KCNQ3: variants seen among roughly 807,000 people sequenced by gnomAD.
The protein encoded by KCNQ3 is potassium voltage-gated channel subfamily KQT member 3.
KCNQ3 carries 30 observed loss-of-function variants against 92.5 expected under a neutral mutation model. That is an observed-to-expected ratio of 0.32 (90% confidence interval 0.24 to 0.44). The LOEUF (loss-of-function observed/expected upper bound fraction) is 0.44, where lower values mean the gene tolerates loss of function less well. Ranked by LOEUF, KCNQ3 falls within the 20% of genes least tolerant of loss-of-function variation. The pLI, the probability that KCNQ3 is intolerant of heterozygous loss-of-function variation, is 1.00. For missense variants in KCNQ3, 913 were observed against 1,140.3 expected, an observed-to-expected ratio of 0.80 and a Z score of 2.87; for synonymous variants, 450 against 468.8, an observed-to-expected ratio of 0.96 and a Z score of 0.52.
chr8:132,444,982 G>A (rs1053326346), intron 1 of KCNQ3, among the ~76,000 whole-genome samples: 1 of 152,198 alleles, frequency 6.6e-6, no homozygotes, highest in Non-Finnish European at 1.5e-5. Flanking sequence ...AGTATAAGGA[G>A]ACTTGGATTT....
intron 1 of KCNQ3, among the ~76,000 whole-genome samples, chr8:132,395,002 T>C (rs1293481133): frequency 6.6e-6 from 1 of 152,184 alleles, no homozygotes; most frequent in Non-Finnish European, 1.5e-5. Flanking sequence ...CCTGCCTCCA[T>C]CAGTCAGCGC....
chr8:132,131,768 C>T (rs1824886335), intron 14 of KCNQ3, among the ~76,000 whole-genome samples: 2 of 152,018 alleles, frequency 1.3e-5, no homozygotes, highest in Admixed American at 6.6e-5. Context: ...GGTAGTAGTA[C>T]TCAAGTATCT....
chr8:132,228,732 C>T (rs1169138671), intron 1 of KCNQ3, among the ~76,000 whole-genome samples: 1 of 150,678 alleles, frequency 6.6e-6, no homozygotes, highest in Middle Eastern at 3.4e-3. Context: ...AACTCTTCCT[C>T]CAGAAGTAGC....
At chr8:132,256,936 C>T (rs1235523647) in intron 1 of KCNQ3, among the ~76,000 whole-genome samples, 10 of 152,072 alleles carry the variant, frequency 6.6e-5, no homozygotes, top group East Asian at 5.8e-4. Context: ...ATAATGACAT[C>T]GGTGAAGGTA....
chr8:132,473,835 G>A (rs1822347587), intron 1 of KCNQ3, among the ~76,000 whole-genome samples: 1 of 152,206 alleles, frequency 6.6e-6, no homozygotes, highest in South Asian at 2.1e-4. Flanking sequence ...CCTCCAACCT[G>A]AAGACAATAG....
intron 1 of KCNQ3, among the ~76,000 whole-genome samples, chr8:132,276,009 C>T (rs1816316804): frequency 6.6e-6 from 1 of 152,156 alleles, no homozygotes; most frequent in Non-Finnish European, 1.5e-5. Context: ...CTAGGGGTCG[C>T]TACACATCAA....
chr8:132,268,390 G>T (rs1816054565), intron 1 of KCNQ3, among the ~76,000 whole-genome samples: 1 of 152,016 alleles, frequency 6.6e-6, no homozygotes, highest in African/African-American at 2.4e-5. Flanking sequence ...TCAGCTTCCC[G>T]AGTAACTGGG....
chr8:132,310,656 C>T (rs1047352882), intron 1 of KCNQ3, among the ~76,000 whole-genome samples: 85 of 152,306 alleles, frequency 5.6e-4, no homozygotes, highest in Admixed American at 4.5e-3. Context: ...GGTGACTGGA[C>T]GCCTTCACAG....
In KCNQ3 at chr8:132,379,542, C is replaced by A. The variant is rs151134153; in HGVS notation, c.386+100605G>T. 4.0e-3 allele frequency among the ~76,000 whole-genome samples: 607 copies of A among 152,286 alleles called. 3 individuals carry two copies. Among genetic ancestry groups the A allele is most frequent in the African/African-American group, 0.013 (528 of 41,550 alleles). On this transcript the variant is annotated intron_variant, in intron 1 of 14. Transcript: ENST00000388996. ...ATGCCCACATCCCACAAGGTGAGGT[C>A]TTTTTCCCTCTTCCCTTCCCAAACC...
chr8:132,401,029 GTTTC>G (rs754556643), intron 1 of KCNQ3, among the ~76,000 whole-genome samples: 90 of 152,294 alleles, frequency 5.9e-4, no homozygotes, highest in Admixed American at 3.8e-3. Flanking sequence ...CCTGGACTTA[GTTTC>G]ACAAAACAAG....
At chr8:132,328,068 C>A (rs898563111) in intron 1 of KCNQ3, among the ~76,000 whole-genome samples, 1 of 152,182 alleles carries the variant, frequency 6.6e-6, no homozygotes, top group African/African-American at 2.4e-5. Context: ...TGCAGTCACA[C>A]AGGATGGCTG....
intron 9 of KCNQ3, among the ~76,000 whole-genome samples, chr8:132,155,068 G>A (rs1370350273): frequency 1.3e-5 from 2 of 152,200 alleles, no homozygotes; most frequent in East Asian, 1.9e-4. Flanking sequence ...TTCTGGTAGA[G>A]CTTAAGAGTT....
chr8:132,435,190 T>C (rs1287703935), intron 1 of KCNQ3, among the ~76,000 whole-genome samples: 1 of 152,228 alleles, frequency 6.6e-6, no homozygotes, highest in African/African-American at 2.4e-5. Flanking sequence ...GACCCAATGC[T>C]CCCACTGATC....
chr8:132,441,339 G>A (rs2466351), intron 1 of KCNQ3, among the ~76,000 whole-genome samples: 37,641 of 152,014 alleles, frequency 0.25, 4,864 homozygotes, highest in East Asian at 0.27. Context: ...TCACAAGGTC[G>A]GGAGATCAAG....
At chr8:132,438,709 C>T (rs1443688121) in intron 1 of KCNQ3, among the ~76,000 whole-genome samples, 7 of 151,976 alleles carry the variant, frequency 4.6e-5, no homozygotes, top group African/African-American at 1.7e-4. Flanking sequence ...TGGAAAGAGA[C>T]AGCGAGACTG....
chr8:132,297,048 T>C (rs200287797), intron 1 of KCNQ3, among the ~76,000 whole-genome samples: 5 of 151,404 alleles, frequency 3.3e-5, no homozygotes, highest in East Asian at 3.8e-4. Context: ...CTCTCCAGCA[T>C]CTGTTGTTTC....
chr8:132,163,471 G>T lies in KCNQ3; in HGVS notation c.1259C>A (p.Ser420Tyr). 1 of 1,612,394 alleles carries T rather than the reference G, an allele frequency of 6.2e-7. No individual in the cohort carries two copies. Among genetic ancestry groups the T allele is most frequent in the Middle Eastern group, 1.7e-4 (1 of 6,058 alleles). ...GAATTCATAATCAGAAACTTACCTG[G>T]ATGCTGCCTCCAGCTGTTCTTTCCT... is the stretch of plus-strand genomic sequence containing the variant. Reference protein sequence around the residue: ...FFRKEQLEAASSQKLGLLDRV... With the variant: ...FFRKEQLEAAYSQKLGLLDRV... The change falls in exon 9 of 15, where the codon TCC becomes TAC. Residue 420 changes from serine (S) to tyrosine (Y), a missense_variant. Physicochemically the swap from Ser to Tyr is moderately radical, Grantham distance 144. Coordinates refer to ENST00000388996, the MANE Select transcript of KCNQ3 (RefSeq NM_004519.4).
At chr8:132,392,829 G>T (rs1253492404) in intron 1 of KCNQ3, among the ~76,000 whole-genome samples, 2 of 135,432 alleles carry the variant, frequency 1.5e-5, no homozygotes, top group African/African-American at 2.8e-5. Context: ...ACAAAAAACT[G>T]CAACATTCTC....
chr8:132,424,403 C>T (rs965521738), intron 1 of KCNQ3, among the ~76,000 whole-genome samples: 6 of 152,144 alleles, frequency 3.9e-5, no homozygotes, highest in Non-Finnish European at 7.4e-5. Context: ...CCATTTTGTA[C>T]TCCCATCCCC....
Sources: gnomAD v4.1 joint callset for allele counts (sites outside exome capture counted in the v4.1 genomes callset) on GRCh38, gnomAD v4.1.1 for gene constraint, MANE v1.5 for transcripts, NCBI Gene and HGNC (gene_info 2026-07-23, HGNC 2026-07-21) for gene names.